DAB1: variants seen among roughly 807,000 people sequenced by gnomAD.
DAB1 encodes DAB adaptor protein 1.
DAB1 carries 15 observed loss-of-function variants against 64.6 expected under a neutral mutation model. That is an observed-to-expected ratio of 0.23 (90% CI 0.16 to 0.36). The LOEUF (loss-of-function observed/expected upper bound fraction) is 0.36, where lower values mean the gene tolerates loss of function less well. Among genes scored for constraint, DAB1 ranks in the 10% least tolerant of loss-of-function variants. The pLI, the probability that DAB1 is intolerant of heterozygous loss-of-function variation, is 1.00. For missense variants in DAB1, 596 were observed against 706.7 expected (o/e 0.84, Z 1.78); for synonymous variants, 235 against 251.9 (o/e 0.93, Z 0.64).
intron 3 of DAB1, among the ~76,000 whole-genome samples, chr1:58,376,248 C>T (rs1341737985): frequency 7.0e-6 from 1 of 143,794 alleles, no homozygotes; most frequent in East Asian, 2.0e-4. Flanking sequence ...TCTTGCTTTT[C>T]TAGTTCTTTT....
intron 9 of DAB1, among the ~76,000 whole-genome samples, chr1:57,045,773 A>G (rs1057156754): frequency 2.6e-5 from 4 of 152,160 alleles, no homozygotes; most frequent in Admixed American, 1.3e-4. Context: ...TGTAATGGTG[A>G]AAAAAAGGAT....
chr1:57,629,943 C>T (rs756196660), intron 7 of DAB1, among the ~76,000 whole-genome samples: 21 of 151,814 alleles, frequency 1.4e-4, no homozygotes, highest in Non-Finnish European at 2.8e-4. Context: ...CATAACATTT[C>T]AGAATAAAAA....
intron 6 of DAB1, among the ~76,000 whole-genome samples, chr1:57,670,572 C>A (rs1646498308): frequency 6.6e-6 from 1 of 151,924 alleles, no homozygotes; most frequent in East Asian, 1.9e-4. Flanking sequence ...TATTTTCAGG[C>A]AAAGAAAATG....
chr1:58,131,515 T>C (rs1391207773), intron 5 of DAB1, among the ~76,000 whole-genome samples: 19 of 143,070 alleles, frequency 1.3e-4, no homozygotes, highest in Middle Eastern at 3.5e-3. Context: ...CTGCGTTCCT[T>C]TGGAGGAGGA....
chr1:57,033,578 A>G (rs763604742), intron 9 of DAB1: 11 of 1,611,590 alleles, frequency 6.8e-6, no homozygotes, highest in Non-Finnish European at 8.5e-6. Flanking sequence ...GCCATTCTGA[A>G]AGTGGAAGGG....
intron 4 of DAB1, among the ~76,000 whole-genome samples, chr1:58,316,533 G>A (rs550446251): frequency 1.3e-5 from 2 of 152,172 alleles, no homozygotes; most frequent in South Asian, 4.2e-4. Flanking sequence ...GAGAGGGCAG[G>A]CAAGACCACC....
intron 4 of DAB1, among the ~76,000 whole-genome samples, chr1:57,116,088 C>T (rs541723013): frequency 1.1e-3 from 162 of 152,250 alleles, no homozygotes; most frequent in Non-Finnish European, 1.9e-3. Flanking sequence ...CTTTCCAAAG[C>T]TCCACAGACT....
intron 9 of DAB1, among the ~76,000 whole-genome samples, chr1:57,054,470 C>A (rs540436939): frequency 1.6e-4 from 11 of 69,450 alleles, no homozygotes; most frequent in African/African-American, 6.2e-4. Flanking sequence ...CAGGAATGTG[C>A]TTTTTTTTTT....
chr1:57,362,927 T>C (rs902637583), intron 1 of DAB1, among the ~76,000 whole-genome samples: 3 of 152,152 alleles, frequency 2.0e-5, no homozygotes, highest in Non-Finnish European at 2.9e-5. Context: ...TTGTTTTCAA[T>C]TCTCTTGAAA....
At chr1:57,700,529 A>G (rs1343755040) in intron 6 of DAB1, among the ~76,000 whole-genome samples, 2 of 152,032 alleles carry the variant, frequency 1.3e-5, no homozygotes, top group Non-Finnish European at 2.9e-5. Context: ...CTCCTGGCCT[A>G]TATGGTTTCC....
intron 1 of DAB1, among the ~76,000 whole-genome samples, chr1:58,532,178 G>A (rs1343659819): frequency 1.3e-5 from 2 of 152,098 alleles, no homozygotes; most frequent in East Asian, 1.9e-4. Context: ...TAAACGCCTA[G>A]ATAAAATCAA....
chr1:58,530,786 T>G, intron 1 of DAB1: 1 of 820,092 alleles, frequency 1.2e-6, no homozygotes, highest in Non-Finnish European at 2.1e-6. Context: ...AGTATATGCT[T>G]ACATTTTCTA....
intron 7 of DAB1, among the ~76,000 whole-genome samples, chr1:57,559,292 A>C (rs1645024792): frequency 6.6e-6 from 1 of 152,232 alleles, no homozygotes; most frequent in Non-Finnish European, 1.5e-5. Flanking sequence ...TTGAATGATA[A>C]AAACAGGAAA....
intron 7 of DAB1, among the ~76,000 whole-genome samples, chr1:57,492,406 C>G (rs1390966065): frequency 6.6e-6 from 1 of 152,076 alleles, no homozygotes; most frequent in Non-Finnish European, 1.5e-5. Flanking sequence ...CTCTAATATA[C>G]AAAGAGATTC....
At chr1:57,174,066 A>G (rs1662053262) in intron 2 of DAB1, among the ~76,000 whole-genome samples, 1 of 152,194 alleles carries the variant, frequency 6.6e-6, no homozygotes, top group Non-Finnish European at 1.5e-5. Context: ...TGATAAACTG[A>G]TCTTAGCTAG....
At chr1:57,329,251 AG>A (rs1312919035) in intron 1 of DAB1, among the ~76,000 whole-genome samples, 1 of 152,170 alleles carries the variant, frequency 6.6e-6, no homozygotes, top group Non-Finnish European at 1.5e-5. Context: ...AGCGGATCCC[AG>A]GCAGCCTGCT....
At chr1:57,129,872 A>C (rs978290328) in intron 4 of DAB1, among the ~76,000 whole-genome samples, 1 of 152,078 alleles carries the variant, frequency 6.6e-6, no homozygotes, top group African/African-American at 2.4e-5. Flanking sequence ...ATTTCATTGT[A>C]AGCTGACGTA....
intron 5 of DAB1, among the ~76,000 whole-genome samples, chr1:57,980,611 G>A (rs1312440695): frequency 6.6e-6 from 1 of 152,080 alleles, no homozygotes; most frequent in Non-Finnish European, 1.5e-5. Flanking sequence ...ACTCCAGAAT[G>A]CTCAGATACT....
chr1:57,074,405 A>G (rs941638237), intron 4 of DAB1, among the ~76,000 whole-genome samples: 2 of 152,230 alleles, frequency 1.3e-5, no homozygotes, highest in South Asian at 2.1e-4. Context: ...CTCTTATTCC[A>G]TCTTCCCAAA....
Sources: allele counts gnomAD v4.1 joint callset (sites outside exome capture counted in the v4.1 genomes callset), GRCh38; gene constraint gnomAD v4.1.1; transcripts MANE v1.5; gene names NCBI Gene and HGNC (gene_info 2026-07-23, HGNC 2026-07-21).